ZBTB24: variants seen among roughly 807,000 people sequenced by gnomAD.
ZBTB24 encodes the protein zinc finger and BTB domain containing 24, also known as zinc finger and BTB domain-containing protein 24.
In ZBTB24, 32 loss-of-function variants were observed where a neutral mutation model predicts 53.8. That is an observed-to-expected ratio of 0.60 (90% CI 0.45 to 0.80). ZBTB24 has a LOEUF of 0.80. ZBTB24 is among the 30% of genes least tolerant of loss of function. ZBTB24 has a pLI of 0.00. For missense variants in ZBTB24, 722 were observed against 837.1 expected (o/e 0.86, Z 1.70); for synonymous variants, 297 against 306.7 (o/e 0.97, Z 0.33).
chr6:109,481,490 A>G lies in ZBTB24; in HGVS notation c.537T>C (p.Ala179=). 1 of 1,614,210 alleles carries G rather than the reference A, an allele frequency of 6.2e-7. No individual in the cohort carries two copies. The highest frequency in any genetic ancestry group is 8.5e-7 in the Non-Finnish European group (1 of 1,180,044). The change falls in exon 2 of 7, where the codon GCT becomes GCC. Residue 179 remains alanine, a synonymous_variant. Transcript: ENST00000230122. The part of the protein sequence containing the change: ...NTLQEEKSEL[A]AEEEIQLRVN... Reference sequence around the variant, plus strand: ...CTCTTAACTGTATTTCTTCCTCTGCAGCCAGTTCTGATTTCTCCTCCTGCA... The same window carrying G: ...CTCTTAACTGTATTTCTTCCTCTGCGGCCAGTTCTGATTTCTCCTCCTGCA...
At position 109,481,247 on chromosome 6, in the gene ZBTB24, T is replaced by A. The variant is rs772140449; in HGVS notation, c.780A>T (p.Arg260Ser). 5.6e-6 allele frequency: 9 copies of A among 1,614,206 alleles called. No homozygotes were observed. The highest frequency in any genetic ancestry group is 7.6e-6 in the Non-Finnish European group (9 of 1,180,042). Residue 260 changes from arginine (R) to serine (S), a missense_variant, in exon 2 of 7, where the codon AGA becomes AGT. Coordinates refer to ENST00000230122, the MANE Select transcript of ZBTB24 (RefSeq NM_014797.3). ...GTTTGTAATCTTTAAGTTTGACGGATCTCCAAATCCTCCGCTTGCTGTATC... is the reference window on the plus strand; with the variant it reads ...GTTTGTAATCTTTAAGTTTGACGGAACTCCAAATCCTCCGCTTGCTGTATC... ...QSRYSKRRIW[R>S]SVKLKDYKLV...
At chr6:109,479,252 G>A (rs1046698717) in intron 2 of ZBTB24, among the ~76,000 whole-genome samples, 1 of 152,154 alleles carries the variant, frequency 6.6e-6, no homozygotes, top group African/African-American at 2.4e-5. Flanking sequence ...GATGCTTCCT[G>A]ACTTATGATG....
intron 1 of ZBTB24, 127 bp downstream of exon 1, chr6:109,482,971 G>A (rs1259197782): frequency 6.6e-6 from 1 of 152,234 alleles, no homozygotes. Context: ...AGGTGGCGCG[G>A]AAAGACCCCC....
chr6:109,465,769 G>C lies in ZBTB24; in HGVS notation c.*82C>G. Reference sequence around the variant, plus strand: ...AGCATCTGCAAGTCAATGGTGTGGAGAGCCTGATTTCAAGCGTTCAAAATC... The same window carrying C: ...AGCATCTGCAAGTCAATGGTGTGGACAGCCTGATTTCAAGCGTTCAAAATC... On this transcript the variant is annotated 3_prime_UTR_variant, in exon 7 of 7. Coordinates refer to ENST00000230122, the MANE Select transcript of ZBTB24 (RefSeq NM_014797.3). The C allele has an allele frequency of 1.2e-6, 2 of 1,613,506 alleles. No homozygotes were observed. The highest frequency in any genetic ancestry group is 8.5e-7 in the Non-Finnish European group (1 of 1,179,928).
chr6:109,480,244 G>A (rs1776373572), intron 2 of ZBTB24, among the ~76,000 whole-genome samples: 1 of 152,148 alleles, frequency 6.6e-6, no homozygotes, highest in Non-Finnish European at 1.5e-5. Flanking sequence ...TAAGTTGAGG[G>A]ATATACAAGT....
At position 109,466,227 on chromosome 6, in the gene ZBTB24, A is replaced by T. The variant is rs2115353215; in HGVS notation, c.1718T>A (p.Ile573Asn). 6.2e-7 allele frequency: 1 copy of T among 1,614,220 alleles called. No individual in the cohort carries two copies. Among genetic ancestry groups the T allele is most frequent in the East Asian group, 2.2e-5 (1 of 44,892 alleles). ...GGAACTCTCTGCAGTCACAATGCTGATTCCCTGGCTAGGACCGGGCATGAA... is the reference window on the plus strand; with the variant it reads ...GGAACTCTCTGCAGTCACAATGCTGTTTCCCTGGCTAGGACCGGGCATGAA... The part of the protein sequence containing the change: ...INFMPGPSQG[I>N]SIVTAESSQN... Residue 573 changes from isoleucine (I) to asparagine (N), a missense_variant, in exon 7 of 7, where the codon ATC (isoleucine) becomes AAC (asparagine). By Grantham distance (149) the Ile-to-Asn change is moderately radical. Coordinates refer to ENST00000230122, the MANE Select transcript of ZBTB24 (RefSeq NM_014797.3).
chr6:109,482,657 G>T (rs1169395861), intron 1 of ZBTB24, among the ~76,000 whole-genome samples: 2 of 151,910 alleles, frequency 1.3e-5, no homozygotes, highest in African/African-American at 2.4e-5. Context: ...AGTATTCATG[G>T]AACGGTTCAG....
chr6:109,463,255 G>A lies in ZBTB24; in HGVS notation c.*2596C>T, dbSNP rs1477992309. The stretch of plus-strand genomic sequence containing the variant: ...CCACCTTGGCCTCCCAAAGTGCTGG[G>A]ATTACAGGCATGAGCCTCCACGCCC... On this transcript the variant is annotated 3_prime_UTR_variant, in exon 7 of 7. Coordinates refer to ENST00000230122, the MANE Select transcript of ZBTB24 (RefSeq NM_014797.3). The A allele has an allele frequency of 1.3e-5, 2 of 152,266 alleles. No individual in the cohort carries two copies. The highest frequency in any genetic ancestry group is 2.9e-5 in the Non-Finnish European group (2 of 68,072). The allele number at this position is 152,266 out of a possible 1,614,324, so 9.4% of individuals were successfully genotyped here. A position where few individuals can be genotyped will look rare whatever the true frequency, so the allele number is the denominator to read the frequency against.
intron 5 of ZBTB24, among the ~76,000 whole-genome samples, chr6:109,474,700 C>T (rs1415651107): frequency 1.3e-5 from 2 of 150,806 alleles, no homozygotes; most frequent in African/African-American, 2.5e-5. Flanking sequence ...TGCCACTGCA[C>T]TGCAGCCTGG....
At position 109,482,661 on chromosome 6, in the gene ZBTB24, G is replaced by A. The variant is rs533026786; in HGVS notation, c.-29+437C>T. ...AGTGACTCTCCAGTATTCATGGAACGGTTCAGGGTCTACCTTCTATAAAAT... is the reference window on the plus strand; with the variant it reads ...AGTGACTCTCCAGTATTCATGGAACAGTTCAGGGTCTACCTTCTATAAAAT... On this transcript the variant is annotated intron_variant, in intron 1 of 6. Coordinates refer to ENST00000230122, the MANE Select transcript of ZBTB24 (RefSeq NM_014797.3). Among the ~76,000 whole-genome samples, 9 of 152,034 alleles carry A rather than the reference G, an allele frequency of 5.9e-5. No homozygotes were observed. In the South Asian group the frequency reaches 1.9e-3, roughly 31 times the overall value.
intron 2 of ZBTB24, among the ~76,000 whole-genome samples, chr6:109,480,598 T>C (rs928127421): frequency 1.9e-5 from 2 of 106,994 alleles, no homozygotes; most frequent in Non-Finnish European, 4.3e-5. Flanking sequence ...AGTTACAAAG[T>C]GATCTACACA....
rs202007110 is a variant in ZBTB24 at position 109,466,282 on chromosome 6, G to A, written c.1663C>T (p.Leu555Phe). 2 of 1,614,232 alleles carry A rather than the reference G, an allele frequency of 1.2e-6. No homozygotes were observed. Among genetic ancestry groups the A allele is most frequent in the African/African-American group, 2.7e-5 (2 of 75,062 alleles). ...ATGTTATGTACAGAATCGGTTACGA[G>A]AAGCTGAATTTCCTGCTCTCCCGAG... is the stretch of plus-strand genomic sequence containing the variant. ...STSGEQEIQL[L>F]VTDSVHNINF... The change falls in exon 7 of 7, where the codon CTC becomes TTC. Residue 555 changes from leucine to phenylalanine, a missense_variant. Transcript: ENST00000230122.
At position 109,476,123 on chromosome 6, in the gene ZBTB24, T is replaced by C. The variant is rs1402549980; in HGVS notation, c.1204+52A>G. 3.1e-6 allele frequency: 5 copies of C among 1,589,296 alleles called. No homozygotes were observed. In the East Asian group the frequency reaches 1.1e-4, roughly 36 times the overall value. Reference sequence around the variant, plus strand: ...TATAAACCTAATGTTTCAGAAACAATTCTTATTTGCATTTCTTCCCCCCCA... The same window carrying C: ...TATAAACCTAATGTTTCAGAAACAACTCTTATTTGCATTTCTTCCCCCCCA... On this transcript the variant is annotated intron_variant, in intron 4 of 6. Coordinates refer to ENST00000230122, the MANE Select transcript of ZBTB24 (RefSeq NM_014797.3).
At chr6:109,478,312 C>T (rs1776322083) in intron 2 of ZBTB24, among the ~76,000 whole-genome samples, 2 of 152,196 alleles carry the variant, frequency 1.3e-5, no homozygotes, top group Non-Finnish European at 2.9e-5. Flanking sequence ...TAGAGGAATG[C>T]ACACTTACAG....
At chr6:109,472,596 C>CCCT (rs957579799) in intron 5 of ZBTB24, among the ~76,000 whole-genome samples, 2 of 152,162 alleles carry the variant, frequency 1.3e-5, no homozygotes, top group Non-Finnish European at 2.9e-5. Flanking sequence ...CCGCTGTCTC[C>CCCT]CTAGGGAACT....
At chr6:109,477,295 C>G (rs1345104826) in intron 2 of ZBTB24, among the ~76,000 whole-genome samples, 1 of 152,188 alleles carries the variant, frequency 6.6e-6, no homozygotes, top group Non-Finnish European at 1.5e-5. Context: ...GCCACCACTA[C>G]ACCCAGCTAA....
chr6:109,482,554 G>A (rs1033053903), intron 1 of ZBTB24, among the ~76,000 whole-genome samples: 44 of 151,338 alleles, frequency 2.9e-4, no homozygotes, highest in Admixed American at 1.2e-3. Context: ...GTGCAGTGGC[G>A]CAATCTCGGC....
At chr6:109,473,386 G>T (rs561250367) in intron 5 of ZBTB24, among the ~76,000 whole-genome samples, 1 of 152,138 alleles carries the variant, frequency 6.6e-6, no homozygotes, top group South Asian at 2.1e-4. Flanking sequence ...CTGTGCCCAG[G>T]GCTCCCCCTG....
rs780334150 is a variant in ZBTB24, at chr6:109,467,827, G to T, written c.1289-93C>A. The T allele has an allele frequency of 2.1e-6, 3 of 1,404,476 alleles. No individual in the cohort carries two copies. The South Asian group carries it at 3.8e-5, about 18-fold the overall frequency. The allele number at this position is 1,404,476 out of a possible 1,614,324, so 87.0% of individuals were successfully genotyped here. A position where few individuals can be genotyped will look rare whatever the true frequency, so the allele number is the denominator to read the frequency against. On this transcript the variant is annotated intron_variant, in intron 5 of 6. Coordinates refer to ENST00000230122, the MANE Select transcript of ZBTB24 (RefSeq NM_014797.3). ...TAAGACAAAATTAAAAAAACACTTC[G>T]GTTTCACAATATAAACAGAACAAAG... is the stretch of plus-strand genomic sequence containing the variant.
Sources: allele counts gnomAD v4.1 joint callset (sites outside exome capture counted in the v4.1 genomes callset), GRCh38; gene constraint gnomAD v4.1.1; transcripts MANE v1.5; gene names NCBI Gene and HGNC (gene_info 2026-07-23, HGNC 2026-07-21).